Variants in ADIPOR2 observed in about 807,000 individuals in gnomAD.
ADIPOR2 encodes the protein adiponectin receptor 2.
A neutral mutation model predicts 40.9 loss-of-function variants in ADIPOR2; 18 were observed. That is an observed-to-expected ratio of 0.44 (90% CI 0.30 to 0.65). The LOEUF is 0.65. Ranked by LOEUF, ADIPOR2 falls within the 30% of genes least tolerant of loss-of-function variation. ADIPOR2 has a pLI of 0.09. For missense variants in ADIPOR2, 283 were observed against 479.2 expected, an observed-to-expected ratio of 0.59 and a Z score of 3.82; for synonymous variants, 165 against 166.4, an observed-to-expected ratio of 0.99 and a Z score of 0.06.
intron 1 of ADIPOR2, chr12:1,730,722 T>C (rs1013042148): frequency 4.6e-5 from 7 of 152,170 alleles, no homozygotes; most frequent in Admixed American, 1.3e-4. Flanking sequence ...TCTTGGCTTT[T>C]AGATGAAATC....
chr12:1,715,366 A>G (rs1045367630), intron 1 of ADIPOR2, among the ~76,000 whole-genome samples: 1 of 152,064 alleles, frequency 6.6e-6, no homozygotes, highest in Non-Finnish European at 1.5e-5. Flanking sequence ...GCAGAAAAAA[A>G]TGAGCCGCCT....
chr12:1,730,152 C>T (rs2094716771), intron 1 of ADIPOR2, among the ~76,000 whole-genome samples: 1 of 151,708 alleles, frequency 6.6e-6, no homozygotes, highest in African/African-American at 2.4e-5. Context: ...AATTCTTAGG[C>T]ATCTCAAGAG....
At chr12:1,782,087 G>A (rs1862730340) in intron 6 of ADIPOR2, among the ~76,000 whole-genome samples, 1 of 152,212 alleles carries the variant, frequency 6.6e-6, no homozygotes, top group Admixed American at 6.5e-5. Flanking sequence ...GAAACCATTA[G>A]CAGCCTTTGC....
intron 1 of ADIPOR2, among the ~76,000 whole-genome samples, chr12:1,721,062 T>A (rs956616709): frequency 2.6e-5 from 4 of 152,168 alleles, no homozygotes; most frequent in Non-Finnish European, 5.9e-5. Flanking sequence ...ACCAATGTAC[T>A]TCTTACATAT....
intron 2 of ADIPOR2, among the ~76,000 whole-genome samples, chr12:1,770,142 G>C (rs750984169): frequency 2.0e-5 from 3 of 152,040 alleles, no homozygotes; most frequent in Non-Finnish European, 2.9e-5. Context: ...GGCTGGTCTC[G>C]AGCTCCTGGG....
intron 1 of ADIPOR2, among the ~76,000 whole-genome samples, chr12:1,742,104 CTCTT>C (rs962815777): frequency 2.0e-5 from 3 of 152,160 alleles, no homozygotes; most frequent in African/African-American, 7.2e-5. Context: ...TTTTCTCTCT[CTCTT>C]TTTTTAAGAT....
At chr12:1,723,710 GC>G (rs1470821825) in intron 1 of ADIPOR2, among the ~76,000 whole-genome samples, 1 of 151,846 alleles carries the variant, frequency 6.6e-6, no homozygotes, top group Non-Finnish European at 1.5e-5. Flanking sequence ...CTGCAAAAAA[GC>G]CAATCCTGAA....
chr12:1,777,188 A>C (rs983005390), intron 3 of ADIPOR2, among the ~76,000 whole-genome samples: 9 of 137,622 alleles, frequency 6.5e-5, no homozygotes, highest in African/African-American at 2.4e-4. Context: ...TTAACACCAC[A>C]GGGATTTATC....
At chr12:1,697,585 C>T (rs1350626156) in intron 1 of ADIPOR2, 2 of 152,436 alleles carry the variant, frequency 1.3e-5, no homozygotes, top group Non-Finnish European at 2.9e-5. Flanking sequence ...GTACTATATC[C>T]ACTTTATTCT....
At chr12:1,740,333 T>A (rs893879760) in intron 1 of ADIPOR2, among the ~76,000 whole-genome samples, 1 of 152,210 alleles carries the variant, frequency 6.6e-6, no homozygotes, top group Non-Finnish European at 1.5e-5. Context: ...TTCTGGAGGC[T>A]AGAGTTTCAA....
At chr12:1,723,523 C>T (rs1207058601) in intron 1 of ADIPOR2, among the ~76,000 whole-genome samples, 1 of 149,694 alleles carries the variant, frequency 6.7e-6, no homozygotes, top group East Asian at 2.0e-4. Context: ...TGTGCCTGTA[C>T]TCCCAGTTAC....
Position 1,772,852 on chromosome 12 carries a change from A to G in ADIPOR2, c.182A>G (p.Glu61Gly). 1 of 1,611,456 alleles carries G rather than the reference A, an allele frequency of 6.2e-7. No homozygotes were observed. Among genetic ancestry groups the G allele is most frequent in the Non-Finnish European group, 8.5e-7 (1 of 1,178,606 alleles). ...GTGATTGCCTTGCAGAGCTCTGAGG[A>G]ACATGAATACAGTGATGAAGCTCCT... ...LSSHHKKSSE[E>G]HEYSDEAPQE... Residue 61 changes from glutamate (E) to glycine (G), a missense_variant, in exon 3 of 8, where the codon GAA becomes GGA. Transcript: ENST00000357103.
chr12:1,731,394 T>C (rs946337310), intron 1 of ADIPOR2, among the ~76,000 whole-genome samples: 2 of 152,190 alleles, frequency 1.3e-5, no homozygotes, highest in African/African-American at 4.8e-5. Flanking sequence ...TTTTAAAGGG[T>C]GCAGTTCAGT....
intron 1 of ADIPOR2, among the ~76,000 whole-genome samples, chr12:1,709,708 T>C (rs189144713): frequency 9.5e-4 from 145 of 152,014 alleles, no homozygotes; most frequent in African/African-American, 3.4e-3. Context: ...AAAAGCAGAG[T>C]TGAAAATTTT....
intron 1 of ADIPOR2, among the ~76,000 whole-genome samples, chr12:1,733,478 A>G (rs2094724462): frequency 6.6e-6 from 1 of 152,176 alleles, no homozygotes; most frequent in South Asian, 2.1e-4. Flanking sequence ...AATTATCAGT[A>G]CAATTATTGG....
chr12:1,709,561 G>T (rs1201792258), intron 1 of ADIPOR2, among the ~76,000 whole-genome samples: 2 of 152,100 alleles, frequency 1.3e-5, no homozygotes, highest in Non-Finnish European at 2.9e-5. Flanking sequence ...TTTTAAATTT[G>T]TATGACTGTG....
intron 1 of ADIPOR2, chr12:1,696,481 C>A (rs1319001042): frequency 6.6e-6 from 1 of 151,906 alleles, no homozygotes; most frequent in East Asian, 1.9e-4. Flanking sequence ...CTGCAACCTC[C>A]GCTTCATGGG....
chr12:1,746,634 G>C (rs1166361331), intron 1 of ADIPOR2, among the ~76,000 whole-genome samples: 1 of 152,118 alleles, frequency 6.6e-6, no homozygotes, highest in Non-Finnish European at 1.5e-5. Flanking sequence ...AGCAAATATT[G>C]ACCTCATTGA....
rs569843727 is a variant in ADIPOR2 at position 1,767,916 on chromosome 12, T to C, written c.172-4926T>C. 2.6e-4 allele frequency among the ~76,000 whole-genome samples: 39 copies of C among 152,294 alleles called. No individual in the cohort carries two copies. The South Asian group carries it at 7.9e-3, about 31-fold the overall frequency. ...AAGGATCTAATTGAGCAGTCTGTTGTTCAGTTAAATGAATTTTTGAGAAAT... is the reference window on the plus strand; with the variant it reads ...AAGGATCTAATTGAGCAGTCTGTTGCTCAGTTAAATGAATTTTTGAGAAAT... On this transcript the variant is annotated intron_variant, in intron 2 of 7. Coordinates refer to ENST00000357103, the MANE Select transcript of ADIPOR2 (RefSeq NM_024551.3).
Sources: gnomAD v4.1 joint callset for allele counts (sites outside exome capture counted in the v4.1 genomes callset) on GRCh38, gnomAD v4.1.1 for gene constraint, MANE v1.5 for transcripts, NCBI Gene and HGNC (gene_info 2026-07-23, HGNC 2026-07-21) for gene names.